Variants in RAPH1 observed in about 807,000 individuals in gnomAD.
RAPH1 encodes Ras association (RalGDS/AF-6) and pleckstrin homology domains 1.
Under a neutral mutation model 88.1 loss-of-function variants are expected in RAPH1, and 18 were observed. The observed-to-expected ratio is 0.20, with a 90% CI of 0.14 to 0.30. The LOEUF (loss-of-function observed/expected upper bound fraction) is 0.30, where lower values mean the gene tolerates loss of function less well. RAPH1 is among the 10% of genes least tolerant of loss of function. The pLI is 1.00. For synonymous variants in RAPH1, 587 were observed against 559.0 expected, an observed-to-expected ratio of 1.05 and a Z score of -0.71; for missense variants, 1,448 against 1,543.2, an observed-to-expected ratio of 0.94 and a Z score of 1.03.
At chr2:203,458,907 C>T (rs572968550) in intron 7 of RAPH1, among the ~76,000 whole-genome samples, 8 of 152,130 alleles carry the variant, frequency 5.3e-5, no homozygotes, top group African/African-American at 1.2e-4. Flanking sequence ...GGACTACAGG[C>T]GCCCGACACC....
chr2:203,460,631 T>C lies in RAPH1; in HGVS notation c.971-603A>G, dbSNP rs577242661. Among the ~76,000 whole-genome samples, 10 of 151,940 alleles carry C rather than the reference T, an allele frequency of 6.6e-5. No individual in the cohort carries two copies. In the East Asian group the frequency reaches 1.7e-3, roughly 26 times the overall value. The stretch of plus-strand genomic sequence containing the variant: ...AGTTAACATAATAATTTTTAGTAAA[T>C]GCATCAGTCTATCCAGTTCTTATTT... On this transcript the variant is annotated intron_variant, in intron 6 of 13. Transcript: ENST00000319170.
rs773115405 is a variant in RAPH1, at chr2:203,440,078, G to A, written c.3112C>T (p.Pro1038Ser). 2.5e-6 allele frequency: 4 copies of A among 1,613,594 alleles called. No individual in the cohort carries two copies. The highest frequency in any genetic ancestry group is 3.4e-6 in the Non-Finnish European group (4 of 1,179,998). ...GKLNLSGVNL[P>S]GVLQQGCVSA... ...ACACACCCTTGTTGGAGAACTCCAG[G>A]AAGGTTGACTCCAGAAAGATTGAGT... The change falls in exon 14 of 14, where the codon CCT (proline) becomes TCT (serine). Residue 1038 changes from proline (P) to serine (S), a missense_variant. Transcript: ENST00000319170.
At chr2:203,512,621 CTTTT>C (rs1201403582) in intron 1 of RAPH1, among the ~76,000 whole-genome samples, 1 of 125,876 alleles carries the variant, frequency 7.9e-6, no homozygotes, top group Non-Finnish European at 1.6e-5. Flanking sequence ...CATCCCTTAC[CTTTT>C]TTTTTTTTTT....
chr2:203,499,581 C>A (rs913931590), intron 1 of RAPH1, among the ~76,000 whole-genome samples: 1 of 152,130 alleles, frequency 6.6e-6, no homozygotes, highest in African/African-American at 2.4e-5. Flanking sequence ...GGCATGGTGG[C>A]GGGCGCCTGT....
rs35194583 is a variant in RAPH1, at chr2:203,513,351, C to CTTTTTT, written c.1-18004_1-17999dup. On this transcript the variant is annotated intron_variant, in intron 1 of 13. Coordinates refer to ENST00000319170, the MANE Select transcript of RAPH1 (RefSeq NM_213589.3). ...CTATTTATCAGTCTTTTCTCTCAAT[C>CTTTTTT]TTTTTTTTTTTTTTTTTTTTTGAGA... is the stretch of plus-strand genomic sequence containing the variant. Among the ~76,000 whole-genome samples, 21 of 86,920 alleles carry CTTTTTT rather than the reference C, an allele frequency of 2.4e-4. 1 individual carries two copies. The highest frequency in any genetic ancestry group is 8.7e-4 in the African/African-American group (18 of 20,698). 57.0% of individuals were successfully genotyped at this position (86,920 alleles called of 152,430 possible). A position where few individuals can be genotyped will look rare whatever the true frequency, so the allele number is the denominator to read the frequency against.
chr2:203,526,264 A>ACAT (rs1383574443), intron 1 of RAPH1, among the ~76,000 whole-genome samples: 1 of 152,186 alleles, frequency 6.6e-6, no homozygotes, highest in Non-Finnish European at 1.5e-5. Flanking sequence ...GAAAAATTAT[A>ACAT]GGTATATACA....
chr2:203,514,392 T>C (rs888118059), intron 1 of RAPH1, among the ~76,000 whole-genome samples: 9 of 152,212 alleles, frequency 5.9e-5, no homozygotes, highest in African/African-American at 1.7e-4. Context: ...CTCTGTGTAT[T>C]CATTTGTTTA....
chr2:203,491,117 T>C (rs935594210), intron 3 of RAPH1, 97 bp downstream of exon 3: 1 of 664,032 alleles, frequency 1.5e-6, no homozygotes, highest in Non-Finnish European at 2.5e-6. Context: ...CATGTAGCTT[T>C]TATATCGAGT....
chr2:203,498,057 C>T (rs1455695066), intron 1 of RAPH1, among the ~76,000 whole-genome samples: 1 of 152,116 alleles, frequency 6.6e-6, no homozygotes, highest in Non-Finnish European at 1.5e-5. Context: ...CTTTTACTTC[C>T]TAATCTTTCA....
chr2:203,439,388 T>A lies in RAPH1; in HGVS notation c.*49A>T. On this transcript the variant is annotated 3_prime_UTR_variant, in exon 14 of 14. Transcript: ENST00000319170. ...TGAATTCACAGATGATCAGGTGAGC[T>A]GATTGTAGCAGTGATTACAGATATC... The A allele has an allele frequency of 6.4e-7, 1 of 1,553,372 alleles. No homozygotes were observed. The highest frequency in any genetic ancestry group is 8.8e-7 in the Non-Finnish European group (1 of 1,135,176).
chr2:203,516,578 G>A (rs1177587371), intron 1 of RAPH1, among the ~76,000 whole-genome samples: 1 of 152,014 alleles, frequency 6.6e-6, no homozygotes, highest in Non-Finnish European at 1.5e-5. Flanking sequence ...GTGAAACCCC[G>A]TCTCTACTGA....
At chr2:203,500,047 A>G (rs1339112832) in intron 1 of RAPH1, among the ~76,000 whole-genome samples, 1 of 152,210 alleles carries the variant, frequency 6.6e-6, no homozygotes, top group Non-Finnish European at 1.5e-5. Context: ...AAGACACAAG[A>G]GAAGCTTTGA....
intron 4 of RAPH1, among the ~76,000 whole-genome samples, chr2:203,479,342 G>A (rs551632427): frequency 5.1e-4 from 78 of 152,290 alleles, no homozygotes; most frequent in African/African-American, 1.7e-3. Flanking sequence ...GGTGGCTCAC[G>A]CCTGTAATCC....
At chr2:203,445,050 C>A in intron 12 of RAPH1, 40 bp from the exon 13 acceptor site, 1 of 1,583,256 alleles carries the variant, frequency 6.3e-7, no homozygotes, top group South Asian at 1.1e-5. Context: ...TTAAAAGAGT[C>A]AGTATTCTGA....
Position 203,435,521 on chromosome 2 carries a change from TAAA to T in RAPH1, c.*3913_*3915del, listed in dbSNP as rs10639750. 6.8e-6 allele frequency: 1 copy of T among 146,022 alleles called. No homozygotes were observed. Among genetic ancestry groups the T allele is most frequent in the Non-Finnish European group, 1.5e-5 (1 of 65,844 alleles). The allele number at this position is 146,022 out of a possible 1,614,324, so 9.0% of individuals were successfully genotyped here. A position where few individuals can be genotyped will look rare whatever the true frequency, so the allele number is the denominator to read the frequency against. ...ATTTATACAAATGTAAAGTGTATAT[TAAA>T]AAAAAAAAAGTGAAAGTTACCTGCA... On this transcript the variant is annotated 3_prime_UTR_variant, in exon 14 of 14. Transcript: ENST00000319170.
intron 1 of RAPH1, among the ~76,000 whole-genome samples, chr2:203,501,309 T>C (rs1325168998): frequency 1.3e-5 from 2 of 152,214 alleles, no homozygotes; most frequent in South Asian, 4.1e-4. Context: ...TAATTACTTA[T>C]CAGATGGGGC....
At chr2:203,468,497 T>C (rs1274565448) in intron 4 of RAPH1, among the ~76,000 whole-genome samples, 4 of 152,184 alleles carry the variant, frequency 2.6e-5, no homozygotes, top group Non-Finnish European at 5.9e-5. Flanking sequence ...GATCTCATCA[T>C]CTAAATAAAA....
chr2:203,453,842 G>A (rs1401544004), intron 10 of RAPH1, among the ~76,000 whole-genome samples: 2 of 151,868 alleles, frequency 1.3e-5, no homozygotes, highest in African/African-American at 2.4e-5. Flanking sequence ...CTATAAATTT[G>A]CTTAAAATGT....
intron 1 of RAPH1, among the ~76,000 whole-genome samples, chr2:203,500,708 T>C (rs1316779358): frequency 6.6e-6 from 1 of 152,220 alleles, no homozygotes; most frequent in African/African-American, 2.4e-5. Flanking sequence ...TGGGAGCTCT[T>C]GCAAGACAGT....
Sources: gnomAD v4.1 joint callset for allele counts (sites outside exome capture counted in the v4.1 genomes callset) on GRCh38, gnomAD v4.1.1 for gene constraint, MANE v1.5 for transcripts, NCBI Gene and HGNC (gene_info 2026-07-23, HGNC 2026-07-21) for gene names.